Variants in PGM5 observed in about 807,000 individuals in gnomAD.
PGM5 encodes phosphoglucomutase-like protein 5.
Under a neutral mutation model 59.2 loss-of-function variants are expected in PGM5, and 23 were observed. The ratio of observed to expected loss-of-function variants is 0.39; its 90% CI spans 0.28 to 0.55. PGM5 has a LOEUF of 0.55. PGM5 is among the 20% of genes least tolerant of loss of function. The pLI, the probability that PGM5 is intolerant of heterozygous loss-of-function variation, is 0.66. For missense variants in PGM5, 574 were observed against 748.3 expected, an observed-to-expected ratio of 0.77 and a Z score of 2.72; for synonymous variants, 214 against 286.0, an observed-to-expected ratio of 0.75 and a Z score of 2.54.
intron 6 of PGM5, among the ~76,000 whole-genome samples, chr9:68,432,149 A>T (rs1031515679): frequency 6.6e-6 from 1 of 151,958 alleles, no homozygotes; most frequent in African/African-American, 2.4e-5. Context: ...TTGTATGTGC[A>T]TACATCCCCA....
chr9:68,368,750 C>T (rs1424592661), intron 1 of PGM5, among the ~76,000 whole-genome samples: 4 of 152,170 alleles, frequency 2.6e-5, no homozygotes, highest in African/African-American at 7.2e-5. Flanking sequence ...TCAGTGGATC[C>T]TCCCACCTCA....
At chr9:68,390,111 G>A (rs1279070821) in intron 4 of PGM5, among the ~76,000 whole-genome samples, 1 of 151,974 alleles carries the variant, frequency 6.6e-6, no homozygotes, top group Non-Finnish European at 1.5e-5. Flanking sequence ...ATTTAAGAAT[G>A]AGGCACTAAA....
chr9:68,417,516 G>A (rs902648030), intron 6 of PGM5, among the ~76,000 whole-genome samples: 9 of 152,102 alleles, frequency 5.9e-5, no homozygotes, highest in African/African-American at 9.7e-5. Flanking sequence ...ATTGAGCTGC[G>A]TATCCTTTCA....
chr9:68,409,131 T>C (rs11141675), intron 6 of PGM5, among the ~76,000 whole-genome samples: 7,843 of 150,966 alleles, frequency 0.052, 485 homozygotes, highest in East Asian at 0.38. Flanking sequence ...AAAATGCTCA[T>C]CATCACTGGC....
intron 1 of PGM5, among the ~76,000 whole-genome samples, chr9:68,360,376 A>C (rs533543589): frequency 9.3e-4 from 140 of 151,254 alleles, no homozygotes; most frequent in African/African-American, 3.2e-3. Flanking sequence ...TTATAAATTT[A>C]AACAACTTTT....
intron 1 of PGM5, among the ~76,000 whole-genome samples, chr9:68,376,475 C>CTGTGTGTGTGTGTGTG (rs71353047): frequency 7.7e-5 from 10 of 129,570 alleles, no homozygotes; most frequent in Non-Finnish European, 1.6e-4. Flanking sequence ...TGCTTTTGAG[C>CTGTGTGTGTGTGTGTG]TGTGTGTGTG....
intron 7 of PGM5, among the ~76,000 whole-genome samples, chr9:68,468,142 A>G (rs1472175536): frequency 2.0e-5 from 3 of 152,028 alleles, no homozygotes; most frequent in East Asian, 3.9e-4. Context: ...AATTAAGCCC[A>G]GTACCCAATA....
chr9:68,424,834 T>C (rs181890383), intron 6 of PGM5, among the ~76,000 whole-genome samples: 1 of 152,278 alleles, frequency 6.6e-6, no homozygotes, highest in East Asian at 1.9e-4. Context: ...AGTGGGAGGT[T>C]GCACTGTTTG....
chr9:68,367,267 C>T (rs558872416), intron 1 of PGM5, among the ~76,000 whole-genome samples: 1 of 151,898 alleles, frequency 6.6e-6, no homozygotes, highest in Admixed American at 6.6e-5. Flanking sequence ...CATCTGAAAC[C>T]TTTCTGAGGC....
intron 6 of PGM5, among the ~76,000 whole-genome samples, chr9:68,432,327 G>C (rs908714985): frequency 6.6e-6 from 1 of 151,424 alleles, no homozygotes; most frequent in Non-Finnish European, 1.5e-5. Context: ...AGCAACCCAA[G>C]TAGCTGGATT....
At chr9:68,443,449 C>A (rs1294431894) in intron 6 of PGM5, among the ~76,000 whole-genome samples, 1 of 152,170 alleles carries the variant, frequency 6.6e-6, no homozygotes, top group Non-Finnish European at 1.5e-5. Context: ...CATAGATCTA[C>A]ACATGTCAAA....
At chr9:68,404,036 C>T (rs2132030904) in intron 6 of PGM5, among the ~76,000 whole-genome samples, 1 of 152,302 alleles carries the variant, frequency 6.6e-6, no homozygotes, top group Non-Finnish European at 1.5e-5. Context: ...AGCAGCTGCA[C>T]TAAAAAGTAT....
intron 6 of PGM5, among the ~76,000 whole-genome samples, chr9:68,454,628 A>G (rs1281489940): frequency 1.3e-5 from 2 of 152,204 alleles, no homozygotes; most frequent in South Asian, 2.1e-4. Flanking sequence ...GAGACATATT[A>G]TCATTCCATT....
intron 6 of PGM5, among the ~76,000 whole-genome samples, chr9:68,404,616 G>A (rs1375534730): frequency 2.0e-5 from 3 of 152,180 alleles, no homozygotes; most frequent in African/African-American, 7.2e-5. Context: ...GTGGAATCCA[G>A]ACCTGGGAAT....
At position 68,455,505 on chromosome 9, in the gene PGM5, T is replaced by TAAA. The variant is rs36071391; in HGVS notation, c.1044-9575_1044-9573dup. ...CAAAGTATAAGCATCATCTCTTAGT[T>TAAA]AAAAAAAAAAAAAAACAGGAAAGGT... is the stretch of plus-strand genomic sequence containing the variant. On this transcript the variant is annotated intron_variant, in intron 6 of 10. Transcript: ENST00000396396. Among the ~76,000 whole-genome samples, 98 of 140,554 alleles carry TAAA rather than the reference T, an allele frequency of 7.0e-4. 1 individual carries two copies. In the South Asian group the frequency reaches 7.4e-3, roughly 11 times the overall value. The allele number at this position is 140,554 out of a possible 152,430, so 92.2% of individuals were successfully genotyped here. A position where few individuals can be genotyped will look rare whatever the true frequency, so the allele number is the denominator to read the frequency against.
At chr9:68,426,295 G>A (rs1463511196) in intron 6 of PGM5, among the ~76,000 whole-genome samples, 3 of 150,670 alleles carry the variant, frequency 2.0e-5, no homozygotes, top group African/African-American at 7.3e-5. Context: ...CAATCATACT[G>A]CCTATTTTCC....
chr9:68,490,943 T>C (rs1258630725), intron 9 of PGM5, among the ~76,000 whole-genome samples: 1 of 152,214 alleles, frequency 6.6e-6, no homozygotes, highest in Non-Finnish European at 1.5e-5. Flanking sequence ...GATGTGGGTT[T>C]AAAAAAACCT....
chr9:68,362,493 A>G (rs1834594733), intron 1 of PGM5, among the ~76,000 whole-genome samples: 1 of 152,250 alleles, frequency 6.6e-6, no homozygotes, highest in Admixed American at 6.5e-5. Context: ...GATATAAACT[A>G]TGTCATACTA....
At chr9:68,418,648 T>TTGGC (rs145652894) in intron 6 of PGM5, among the ~76,000 whole-genome samples, 1,880 of 152,168 alleles carry the variant, frequency 0.012, 50 homozygotes, top group African/African-American at 0.043. Flanking sequence ...GCAGGACGAC[T>TTGGC]TGACTGGCTG....
Sources: gnomAD v4.1 joint callset for allele counts (sites outside exome capture counted in the v4.1 genomes callset) on GRCh38, gnomAD v4.1.1 for gene constraint, MANE v1.5 for transcripts, NCBI Gene and HGNC (gene_info 2026-07-23, HGNC 2026-07-21) for gene names.